MYH14: variants seen among roughly 807,000 people sequenced by gnomAD.
MYH14 encodes the protein myosin heavy chain 14.
MYH14 carries 123 observed loss-of-function variants against 255.5 expected under a neutral mutation model. The ratio of observed to expected loss-of-function variants is 0.48; its 90% CI spans 0.42 to 0.56. The LOEUF (loss-of-function observed/expected upper bound fraction) is 0.56, where lower values mean the gene tolerates loss of function less well. Among genes scored for constraint, MYH14 ranks in the 20% least tolerant of loss-of-function variants. MYH14 has a pLI of 0.00. For missense variants in MYH14, 2,423 were observed against 2,802.3 expected, an observed-to-expected ratio of 0.86 and a Z score of 3.06; for synonymous variants, 1,095 against 1,161.2, an observed-to-expected ratio of 0.94 and a Z score of 1.16.
chr19:50,283,335 G>A (rs921929139), intron 33 of MYH14, among the ~76,000 whole-genome samples: 2 of 152,188 alleles, frequency 1.3e-5, no homozygotes, highest in African/African-American at 4.8e-5. Context: ...GGCAAGGCTG[G>A]TCTCGAACTC....
chr19:50,209,657 G>A (rs900906358), intron 1 of MYH14, among the ~76,000 whole-genome samples: 1 of 151,762 alleles, frequency 6.6e-6, no homozygotes, highest in Admixed American at 6.6e-5. Context: ...GGTGGCAGGC[G>A]CCTGTAGTCC....
At chr19:50,267,855 A>G (rs1280422249) in intron 23 of MYH14, among the ~76,000 whole-genome samples, 2 of 152,026 alleles carry the variant, frequency 1.3e-5, no homozygotes, top group African/African-American at 4.8e-5. Flanking sequence ...GAGAGAAGGA[A>G]AGACCTGAGC....
rs541345064 is a variant in MYH14, at chr19:50,276,000, C to G, written c.3477C>G (p.Asp1159Glu). The G allele has an allele frequency of 6.2e-7, 1 of 1,612,316 alleles. No individual in the cohort carries two copies. Among genetic ancestry groups the G allele is most frequent in the Admixed American group, 1.7e-5 (1 of 59,976 alleles). The stretch of plus-strand genomic sequence containing the variant: ...TTCTTGTCACCCCCAGGGCAGAAGA[C>G]GAGGGTGGGGCCCGGGCCCAGCTGC... The part of the protein sequence containing the change: ...ELQAALARAE[D>E]EGGARAQLLK... The change falls in exon 28 of 43, where the codon GAC becomes GAG. Residue 1159 changes from aspartate to glutamate, a missense_variant. This residue lies in a region of MYH14 where 1,513 missense variants were observed against 1,674.8 expected (regional missense o/e 0.90). Transcript: ENST00000642316.
chr19:50,225,469 A>C (rs2033043914), intron 6 of MYH14, 116 bp from the exon 7 acceptor site: 2 of 737,994 alleles, frequency 2.7e-6, no homozygotes, highest in South Asian at 3.3e-5. Flanking sequence ...GCCCAGACAC[A>C]CAAAGGCCCC....
intron 39 of MYH14, among the ~76,000 whole-genome samples, chr19:50,296,676 G>C (rs192133693): frequency 6.6e-6 from 1 of 152,304 alleles, no homozygotes; most frequent in African/African-American, 2.4e-5. Context: ...TCCAGATCTG[G>C]AGCAGGCAAT....
At chr19:50,248,138 G>A (rs2034208453) in intron 12 of MYH14, among the ~76,000 whole-genome samples, 1 of 152,060 alleles carries the variant, frequency 6.6e-6, no homozygotes, top group African/African-American at 2.4e-5. Flanking sequence ...AAGGGAGAGA[G>A]GGTGGGTGAA....
rs1274051645 is a variant in MYH14, at chr19:50,230,962, G to C, written c.973+339G>C. ...TCTCCTCACTCCGGCGGGTGACTCCGGCTTTGCTGAGGCTCCTCCTGGTTC... is the reference window on the plus strand; with the variant it reads ...TCTCCTCACTCCGGCGGGTGACTCCCGCTTTGCTGAGGCTCCTCCTGGTTC... On this transcript the variant is annotated intron_variant, in intron 9 of 42. Coordinates refer to ENST00000642316, the MANE Select transcript of MYH14 (RefSeq NM_001145809.2). The surrounding 1 kb of genome is among the most constrained non-coding windows in gnomAD (Gnocchi z 4.7). The C allele has an allele frequency of 3.2e-6, 1 of 309,758 alleles. No homozygotes were observed. The highest frequency in any genetic ancestry group is 6.2e-6 in the Non-Finnish European group (1 of 161,768). The allele number at this position is 309,758 out of a possible 1,614,324, so 19.2% of individuals were successfully genotyped here.
Position 50,223,313 on chromosome 19 carries a change from G to A in MYH14, c.657G>A (p.Ala219=), listed in dbSNP as rs4801822. ...KKVIQYLAHV[A]SSPKGRKEPG... ...TCATCCAGTACCTCGCCCACGTGGC[G>A]TCGTCTCCAAAGGGCAGGAAGGAGC... The change falls in exon 5 of 43, where the codon GCG becomes GCA. Residue 219 remains alanine, a synonymous_variant. Transcript: ENST00000642316. 978,515 of 1,592,160 alleles carry A rather than the reference G, an allele frequency of 0.61. 309,869 individuals carry two copies. The highest frequency in any genetic ancestry group is 0.65 in the Non-Finnish European group (759,176 of 1,169,140).
intron 1 of MYH14, among the ~76,000 whole-genome samples, chr19:50,205,955 C>T (rs2031722985): frequency 6.6e-6 from 1 of 152,196 alleles, no homozygotes; most frequent in Non-Finnish European, 1.5e-5. Flanking sequence ...GGCTGCTTTT[C>T]TTTTTCAAGC....
Position 50,263,329 on chromosome 19 carries a change from A to G in MYH14, c.2603A>G (p.Gln868Arg). The change falls in exon 22 of 43, where the codon CAG (glutamine) becomes CGG (arginine). Residue 868 changes from glutamine to arginine, a missense_variant. Around this residue, in one of 3 missense-constraint regions of MYH14, gnomAD observed 1,513 missense variants for 1,674.8 expected, o/e 0.90. Transcript: ENST00000642316. ...CCACCCAGGGCCTTCCAGAAGCGCCAGCAGCAGCAGAGCGCCCTGAGGGTG... is the reference window on the plus strand; with the variant it reads ...CCACCCAGGGCCTTCCAGAAGCGCCGGCAGCAGCAGAGCGCCCTGAGGGTG... ...YLARRAFQKR[Q>R]QQQSALRVMQ... The G allele has an allele frequency of 6.4e-7, 1 of 1,554,640 alleles. No individual in the cohort carries two copies. Among genetic ancestry groups the G allele is most frequent in the Non-Finnish European group, 8.7e-7 (1 of 1,148,646 alleles).
At chr19:50,264,226 A>G (rs1026541526) in intron 22 of MYH14, among the ~76,000 whole-genome samples, 1 of 152,148 alleles carries the variant, frequency 6.6e-6, no homozygotes, top group Non-Finnish European at 1.5e-5. Context: ...AGTATTGCCA[A>G]CCAGGGAAGC....
At chr19:50,309,323 G>C in intron 42 of MYH14, 146 bp downstream of exon 42, 2 of 797,540 alleles carry the variant, frequency 2.5e-6, no homozygotes, top group Non-Finnish European at 4.2e-6. Context: ...GCTGTGTTGC[G>C]GGAGAGCCAA....
At position 50,293,694 on chromosome 19, in the gene MYH14, G is replaced by C. The variant is rs748317789; in HGVS notation, c.5469+7G>C. 1.3e-6 allele frequency: 2 copies of C among 1,559,928 alleles called. No individual in the cohort carries two copies. Among genetic ancestry groups the C allele is most frequent in the Admixed American group, 3.7e-5 (2 of 53,456 alleles). On this transcript the variant is annotated splice_region_variant and intron_variant, in intron 39 of 42. Transcript: ENST00000642316. The surrounding 1 kb of genome is among the most constrained non-coding windows in gnomAD (Gnocchi z 4.1). ...CCGCAAGCTGCTCCTGCAGGTGAGC[G>C]TGATTGACCGCCCCCACCAGCCTCA...
At chr19:50,205,602 G>T (rs2031696856) in intron 1 of MYH14, 1 of 152,324 alleles carries the variant, frequency 6.6e-6, no homozygotes, top group African/African-American at 2.4e-5. Context: ...ACAGGCGCTT[G>T]GGTCCAGGGG....
At chr19:50,255,380 C>G (rs2123327988) in intron 17 of MYH14, 62 bp downstream of exon 17, 1 of 1,280,446 alleles carries the variant, frequency 7.8e-7, no homozygotes. Context: ...ACCTGTTGGG[C>G]TGGGGACCTG....
rs555872040 is a variant in MYH14, at chr19:50,309,709, C to T, written c.6030C>T (p.Ser2010=). Residue 2010 remains serine (S), a synonymous_variant, in exon 43 of 43, where the codon TCC becomes TCT. Coordinates refer to ENST00000642316, the MANE Select transcript of MYH14 (RefSeq NM_001145809.2). ...TCCGACTAGAGGAGGGCGTGGCATC[C>T]GACGAGGAGGCAGAGGAAGCACAGC... The part of the protein sequence containing the change: ...QVFRLEEGVA[S]DEEAEEAQPG... 1.5e-5 allele frequency: 24 copies of T among 1,606,040 alleles called. No homozygotes were observed. The highest frequency in any genetic ancestry group is 2.7e-5 in the African/African-American group (2 of 74,766).
chr19:50,291,527 T>G (rs678401), intron 36 of MYH14, among the ~76,000 whole-genome samples: 90,093 of 152,006 alleles, frequency 0.59, 28,068 homozygotes, highest in Non-Finnish European at 0.68. Flanking sequence ...TGGCCTCAAG[T>G]GATCCACCCG....
intron 10 of MYH14, among the ~76,000 whole-genome samples, chr19:50,236,707 CA>C (rs199516933): frequency 1.4e-5 from 2 of 147,794 alleles, no homozygotes; most frequent in Admixed American, 6.8e-5. Flanking sequence ...GACTCCATCT[CA>C]AAAAAAAAGA....
intron 39 of MYH14, among the ~76,000 whole-genome samples, chr19:50,300,358 G>C (rs908871111): frequency 6.6e-6 from 1 of 152,184 alleles, no homozygotes; most frequent in Non-Finnish European, 1.5e-5. Flanking sequence ...GTTCTTGGTT[G>C]AGAATTACTG....
Sources: gnomAD v4.1 joint callset for allele counts (sites outside exome capture counted in the v4.1 genomes callset) on GRCh38, gnomAD v4.1.1 for gene constraint, gnomAD v4.1.1 regional missense constraint, Gnocchi (gnomAD v3.1) non-coding constraint, MANE v1.5 for transcripts, NCBI Gene and HGNC (gene_info 2026-07-23, HGNC 2026-07-21) for gene names.